The following DOCK8 variants were observed in gnomAD, a reference collection of about 807,000 sequenced individuals.
DOCK8 encodes the protein dedicator of cytokinesis 8, also known as dedicator of cytokinesis protein 8.
DOCK8 carries 141 observed loss-of-function variants against 245.6 expected under a neutral mutation model. The ratio of observed to expected loss-of-function variants is 0.57; its 90% CI spans 0.50 to 0.66. The LOEUF is 0.66. Ranked by LOEUF, DOCK8 falls within the 30% of genes least tolerant of loss-of-function variation. DOCK8 has a pLI of 0.00. For synonymous variants in DOCK8, 1,168 were observed against 970.2 expected (o/e 1.20, Z -3.79); for missense variants, 2,965 against 2,603.4 (o/e 1.14, Z -3.02).
chr9:278,274 G>A (rs2048437926), intron 2 of DOCK8, among the ~76,000 whole-genome samples: 1 of 152,274 alleles, frequency 6.6e-6, no homozygotes, highest in African/African-American at 2.4e-5. Context: ...GATTGTTGTT[G>A]TTGGAAGCAG....
At chr9:339,150 GT>G in intron 13 of DOCK8, 51 bp downstream of exon 13, 2 of 1,440,732 alleles carry the variant, frequency 1.4e-6, no homozygotes, top group Non-Finnish European at 2.0e-6. Context: ...ACTGCTTATC[GT>G]TAGACACAGT....
chr9:446,624 T>C lies in DOCK8; in HGVS notation c.5817+18T>C. 1 of 1,612,890 alleles carries C rather than the reference T, an allele frequency of 6.2e-7. No homozygotes were observed. The highest frequency in any genetic ancestry group is 8.5e-7 in the Non-Finnish European group (1 of 1,179,102). ...AGGAGGAGGTAATGCACCCAAGGGA[T>C]TGGCCACCACTGGATGAGTGGGCTG... On this transcript the variant is annotated intron_variant, in intron 44 of 47. Transcript: ENST00000432829.
intron 14 of DOCK8, among the ~76,000 whole-genome samples, chr9:360,700 G>C (rs554681930): frequency 6.6e-6 from 1 of 152,282 alleles, no homozygotes; most frequent in East Asian, 1.9e-4. Flanking sequence ...GGAATCTTAA[G>C]TTGTTCATAG....
At chr9:403,459 G>C (rs1381484005) in intron 26 of DOCK8, among the ~76,000 whole-genome samples, 2 of 152,060 alleles carry the variant, frequency 1.3e-5, no homozygotes, top group African/African-American at 4.8e-5. Flanking sequence ...ATATGTTTTG[G>C]TTTTAAAATA....
intron 5 of DOCK8, among the ~76,000 whole-genome samples, chr9:308,292 A>G (rs1049958893): frequency 2.0e-5 from 3 of 152,274 alleles, no homozygotes. Flanking sequence ...GTACACAGGT[A>G]TTGAGATATT....
chr9:358,893 C>T (rs900031837), intron 14 of DOCK8, among the ~76,000 whole-genome samples: 5 of 152,136 alleles, frequency 3.3e-5, no homozygotes, highest in African/African-American at 7.2e-5. Context: ...CAAATTTGAG[C>T]TGCCTAGCAG....
intron 14 of DOCK8, among the ~76,000 whole-genome samples, chr9:352,648 C>T (rs570542430): frequency 6.2e-4 from 94 of 150,786 alleles, no homozygotes; most frequent in Non-Finnish European, 2.2e-4. Flanking sequence ...GAGGCTGGGG[C>T]AGGAGAATCG....
intron 18 of DOCK8, among the ~76,000 whole-genome samples, chr9:373,561 T>C (rs1035658452): frequency 1.4e-4 from 21 of 152,248 alleles, no homozygotes; most frequent in African/African-American, 5.1e-4. Flanking sequence ...CTACAGATCC[T>C]CCATCTCTTT....
chr9:462,594 C>G (rs1176219343), intron 46 of DOCK8, among the ~76,000 whole-genome samples: 1 of 152,236 alleles, frequency 6.6e-6, no homozygotes, highest in East Asian at 1.9e-4. Context: ...GCCCATAGAC[C>G]TATACACAGT....
At chr9:250,446 A>G (rs1032107111) in intron 1 of DOCK8, among the ~76,000 whole-genome samples, 2 of 152,006 alleles carry the variant, frequency 1.3e-5, no homozygotes, top group Non-Finnish European at 2.9e-5. Context: ...TAACCTATCT[A>G]CTCTACATAA....
chr9:433,780 C>T (rs905398605), intron 37 of DOCK8, 95 bp from the exon 38 acceptor site: 7 of 1,045,362 alleles, frequency 6.7e-6, no homozygotes, highest in Non-Finnish European at 1.0e-5. Context: ...CTGATCCAAC[C>T]CTTCCCATGG....
intron 24 of DOCK8, among the ~76,000 whole-genome samples, chr9:392,515 G>A (rs1237523906): frequency 6.6e-6 from 1 of 152,172 alleles, no homozygotes; most frequent in Non-Finnish European, 1.5e-5. Context: ...AAAATTAGGA[G>A]GCTGGAGGCC....
At chr9:354,913 G>A (rs1410221) in intron 14 of DOCK8, among the ~76,000 whole-genome samples, 27,115 of 152,080 alleles carry the variant, frequency 0.18, 5,197 homozygotes, top group African/African-American at 0.48. Flanking sequence ...TTTGACAAAC[G>A]TCGTATTGAC....
chr9:256,470 T>A (rs2047778552), intron 1 of DOCK8, among the ~76,000 whole-genome samples: 1 of 152,232 alleles, frequency 6.6e-6, no homozygotes, highest in South Asian at 2.1e-4. Flanking sequence ...ATGAGGGAGC[T>A]GTTATGAGGA....
chr9:333,173 G>A lies in DOCK8; in HGVS notation c.1125+695G>A, dbSNP rs531663619. ...AACAGCATGGGCCGCTGCCCTTTCA[G>A]GTATGCAAATAACTGGGAATTGGCT... On this transcript the variant is annotated intron_variant, in intron 10 of 47. Transcript: ENST00000432829. 3.3e-5 allele frequency among the ~76,000 whole-genome samples: 5 copies of A among 152,246 alleles called. No homozygotes were observed. The South Asian group carries it at 1.0e-3, about 32-fold the overall frequency.
At chr9:235,263 G>T (rs928826419) in intron 1 of DOCK8, among the ~76,000 whole-genome samples, 1 of 152,148 alleles carries the variant, frequency 6.6e-6, no homozygotes, top group Non-Finnish European at 1.5e-5. Context: ...TGGAAGTTTT[G>T]TGTCAGAGGA....
intron 1 of DOCK8, among the ~76,000 whole-genome samples, chr9:270,002 C>T (rs1389506328): frequency 3.9e-5 from 6 of 152,182 alleles, no homozygotes; most frequent in African/African-American, 7.2e-5. Context: ...ACAGCATATG[C>T]GTGCTCCAGT....
intron 14 of DOCK8, among the ~76,000 whole-genome samples, chr9:350,648 T>C (rs1322010100): frequency 3.3e-5 from 5 of 152,248 alleles, no homozygotes; most frequent in South Asian, 2.1e-4. Context: ...GCTTCCTCTT[T>C]TGTAAAGAAC....
intron 34 of DOCK8, among the ~76,000 whole-genome samples, chr9:428,153 C>T (rs1333926773): frequency 6.6e-6 from 1 of 152,106 alleles, no homozygotes; most frequent in East Asian, 1.9e-4. Context: ...AGGTATAAAT[C>T]CCAAACTCAT....
Sources: allele counts gnomAD v4.1 joint callset (sites outside exome capture counted in the v4.1 genomes callset), GRCh38; gene constraint gnomAD v4.1.1; transcripts MANE v1.5; gene names NCBI Gene and HGNC (gene_info 2026-07-23, HGNC 2026-07-21).